CCL25: variants seen among roughly 807,000 people sequenced by gnomAD.
The protein encoded by CCL25 is C-C motif chemokine 25.
Under a neutral mutation model 19.9 loss-of-function variants are expected in CCL25, and 14 were observed. The ratio of observed to expected loss-of-function variants is 0.70; its 90% confidence interval spans 0.47 to 1.10. The LOEUF is 1.10. Ranked by LOEUF, CCL25 falls within the 50% of genes least tolerant of loss-of-function variation. CCL25 has a pLI of 0.00. For synonymous variants in CCL25, 68 were observed against 73.2 expected (o/e 0.93, Z 0.36); for missense variants, 151 against 181.2 (o/e 0.83, Z 0.96).
chr19:8,053,251 T>C, intron 2 of CCL25, 129 bp downstream of exon 2: 1 of 542,956 alleles, frequency 1.8e-6, no homozygotes, highest in South Asian at 3.2e-5. Flanking sequence ...GCTCCTGACA[T>C]GCAGGAACTC....
intron 2 of CCL25, among the ~76,000 whole-genome samples, chr19:8,053,603 C>T (rs370231110): frequency 6.9e-6 from 1 of 145,938 alleles, no homozygotes; most frequent in South Asian, 2.1e-4. Context: ...GGCTGGAGTG[C>T]AGTGGCGCGA....
Position 8,055,293 on chromosome 19 carries a change from A to T in CCL25, c.74-859A>T, listed in dbSNP as rs567811674. ...GACAGAGTGAGACTCTGGAAAAAAA[A>T]AAAAAAAAGGCGCCCACCACCATGC... On this transcript the variant is annotated intron_variant, in intron 2 of 5. Coordinates refer to ENST00000315626, the MANE Select transcript of CCL25 (RefSeq NM_005624.4). 4.2e-3 allele frequency among the ~76,000 whole-genome samples: 598 copies of T among 142,592 alleles called. 11 individuals carry two copies. Among genetic ancestry groups the T allele is most frequent in the African/African-American group, 0.015 (562 of 38,526 alleles). 93.5% of individuals were successfully genotyped at this position (142,592 alleles called of 152,430 possible).
intron 5 of CCL25, among the ~76,000 whole-genome samples, chr19:8,061,694 C>T (rs1408127266): frequency 1.3e-5 from 2 of 151,782 alleles, no homozygotes; most frequent in Non-Finnish European, 2.9e-5. Flanking sequence ...AATTCAAAGA[C>T]CAAATATTAG....
In CCL25 at chr19:8,062,442, C is replaced by G; in HGVS notation, c.*217C>G. On this transcript the variant is annotated 3_prime_UTR_variant, in exon 6 of 6. Transcript: ENST00000315626. ...GCCTGATTTTAAGCCTTTTGCCGCTCCGGGGACCAGCAGCAATCCTGGGCA... is the reference window on the plus strand; with the variant it reads ...GCCTGATTTTAAGCCTTTTGCCGCTGCGGGGACCAGCAGCAATCCTGGGCA... 1.7e-6 allele frequency: 1 copy of G among 573,810 alleles called. No homozygotes were observed. The highest frequency in any genetic ancestry group is 1.9e-5 in the African/African-American group (1 of 53,412). The allele number at this position is 573,810 out of a possible 1,614,324, so 35.5% of individuals were successfully genotyped here. A position where few individuals can be genotyped will look rare whatever the true frequency, so the allele number is the denominator to read the frequency against.
chr19:8,058,539 A>G (rs2081291192), intron 5 of CCL25, among the ~76,000 whole-genome samples: 1 of 116,972 alleles, frequency 8.5e-6, no homozygotes, highest in South Asian at 2.3e-4. Context: ...AATATATAAT[A>G]TATAAATACA....
chr19:8,053,156 C>T, intron 2 of CCL25, 34 bp downstream of exon 2: 1 of 1,428,670 alleles, frequency 7.0e-7, no homozygotes, highest in Non-Finnish European at 9.6e-7. Flanking sequence ...CACCAAGTGC[C>T]CCTCTCCCCA....
At chr19:8,060,856 A>C (rs2081313142) in intron 5 of CCL25, among the ~76,000 whole-genome samples, 1 of 150,152 alleles carries the variant, frequency 6.7e-6, no homozygotes, top group Non-Finnish European at 1.5e-5. Flanking sequence ...AATTTTTTGT[A>C]TTTTTAGTAG....
chr19:8,056,832 C>T (rs112730282), intron 4 of CCL25, among the ~76,000 whole-genome samples: 7,865 of 152,080 alleles, frequency 0.052, 682 homozygotes, highest in African/African-American at 0.18. Flanking sequence ...AAGTGTGTGC[C>T]ACCAGTCCAG....
At chr19:8,062,116 G>A (rs2081322157) in intron 5 of CCL25, 102 bp from the exon 6 acceptor site, 2 of 1,136,346 alleles carry the variant, frequency 1.8e-6, no homozygotes, top group Middle Eastern at 2.8e-4. Flanking sequence ...AATTCACAAG[G>A]GTTTTAGGAG....
Position 8,062,318 on chromosome 19 carries a change from C to G in CCL25, c.*93C>G. 1 of 1,424,208 alleles carries G rather than the reference C, an allele frequency of 7.0e-7. No homozygotes were observed. Among genetic ancestry groups the G allele is most frequent in the Non-Finnish European group, 9.9e-7 (1 of 1,009,882 alleles). 88.2% of individuals were successfully genotyped at this position (1,424,208 alleles called of 1,614,324 possible). The stretch of plus-strand genomic sequence containing the variant: ...TACAGACCCAGCTGTCCCCACGCCT[C>G]TGTCTTTTGGGTCAAGTCTTAATCC... On this transcript the variant is annotated 3_prime_UTR_variant, in exon 6 of 6. Coordinates refer to ENST00000315626, the MANE Select transcript of CCL25 (RefSeq NM_005624.4).
At chr19:8,059,138 TTA>T (rs2081299482) in intron 5 of CCL25, among the ~76,000 whole-genome samples, 2 of 81,530 alleles carry the variant, frequency 2.5e-5, no homozygotes, top group Non-Finnish European at 4.4e-5. Context: ...TAAATATATA[TTA>T]TATAATATAT....
At chr19:8,060,486 G>A (rs1268814479) in intron 5 of CCL25, among the ~76,000 whole-genome samples, 8 of 152,074 alleles carry the variant, frequency 5.3e-5, no homozygotes, top group Admixed American at 6.6e-5. Flanking sequence ...TCCCACACAC[G>A]GATATGGTCA....
intron 2 of CCL25, among the ~76,000 whole-genome samples, chr19:8,055,482 C>CCTG (rs1568333572): frequency 1.3e-5 from 2 of 151,238 alleles, no homozygotes; most frequent in Admixed American, 1.3e-4. Flanking sequence ...ACTCCAGGCG[C>CCTG]CCACCACCAC....
At chr19:8,062,101 T>A in intron 5 of CCL25, 117 bp from the exon 6 acceptor site, 1 of 798,376 alleles carries the variant, frequency 1.3e-6, no homozygotes, top group Non-Finnish European at 2.1e-6. Context: ...CTCCTATTAC[T>A]CAGAAATTCA....
At chr19:8,062,057 A>G (rs1056942179) in intron 5 of CCL25, among the ~76,000 whole-genome samples, 161 bp from the exon 6 acceptor site, 1 of 151,710 alleles carries the variant, frequency 6.6e-6, no homozygotes, top group Non-Finnish European at 1.5e-5. Context: ...AAAAAAAAAA[A>G]AAAAAAAAAA....
intron 2 of CCL25, among the ~76,000 whole-genome samples, chr19:8,054,214 C>T (rs2081252605): frequency 6.6e-6 from 1 of 152,230 alleles, no homozygotes; most frequent in South Asian, 2.1e-4. Flanking sequence ...TCTGCCCCCA[C>T]CTGACCCACC....
intron 4 of CCL25, among the ~76,000 whole-genome samples, chr19:8,057,595 G>T (rs1298131074): frequency 6.6e-6 from 1 of 152,098 alleles, no homozygotes; most frequent in African/African-American, 2.4e-5. Context: ...GCCTCCCAAA[G>T]TGCTGGGACT....
intron 5 of CCL25, among the ~76,000 whole-genome samples, chr19:8,061,196 G>A (rs1168026774): frequency 6.6e-6 from 1 of 150,680 alleles, no homozygotes; most frequent in Non-Finnish European, 1.5e-5. Context: ...GCCATGTTGG[G>A]CAGGCTGGTC....
At chr19:8,059,119 A>AT (rs1237644440) in intron 5 of CCL25, among the ~76,000 whole-genome samples, 13 of 98,848 alleles carry the variant, frequency 1.3e-4, no homozygotes, top group African/African-American at 4.8e-4. Flanking sequence ...TATAATATAT[A>AT]AATATATATA....
Sources: allele counts gnomAD v4.1 joint callset (sites outside exome capture counted in the v4.1 genomes callset), GRCh38; gene constraint gnomAD v4.1.1; transcripts MANE v1.5; gene names NCBI Gene and HGNC (gene_info 2026-07-23, HGNC 2026-07-21).